The following MUSK variants were observed in gnomAD, a reference collection of about 807,000 sequenced individuals.
MUSK encodes muscle, skeletal receptor tyrosine-protein kinase.
MUSK carries 55 observed loss-of-function variants against 88.7 expected under a neutral mutation model. The observed-to-expected ratio is 0.62, with a 90% CI of 0.50 to 0.78. The LOEUF is 0.78. Ranked by LOEUF, MUSK falls within the 30% of genes least tolerant of loss-of-function variation. The pLI is 0.00. For missense variants in MUSK, 1,015 were observed against 1,074.3 expected, an observed-to-expected ratio of 0.94 and a Z score of 0.77; for synonymous variants, 387 against 391.9, an observed-to-expected ratio of 0.99 and a Z score of 0.15.
At chr9:110,767,137 G>T (rs1401643470) in intron 8 of MUSK, among the ~76,000 whole-genome samples, 2 of 152,196 alleles carry the variant, frequency 1.3e-5, no homozygotes, top group Non-Finnish European at 2.9e-5. Flanking sequence ...CAACAGAATA[G>T]ATCACTGAGG....
Position 110,805,430 on chromosome 9 carries a change from T to G in MUSK, c.*4442T>G, listed in dbSNP as rs2132080512. ...CTTATATTTACACTTCTTTAAATACTAATAAAATTGAACATTGTTTAATGT... is the reference window on the plus strand; with the variant it reads ...CTTATATTTACACTTCTTTAAATACGAATAAAATTGAACATTGTTTAATGT... On this transcript the variant is annotated 3_prime_UTR_variant, in exon 15 of 15. Transcript: ENST00000374448. 6.6e-6 allele frequency among the ~76,000 whole-genome samples: 1 copy of G among 152,076 alleles called. No individual in the cohort carries two copies. Among genetic ancestry groups the G allele is most frequent in the Admixed American group, 6.6e-5 (1 of 15,262 alleles).
intron 14 of MUSK, chr9:110,788,144 T>C (rs2077906934): frequency 3.0e-6 from 1 of 329,174 alleles, no homozygotes; most frequent in Non-Finnish European, 5.7e-6. Flanking sequence ...AATTTATCAA[T>C]ATTGAAAAGT....
At chr9:110,711,265 A>G (rs1361440670) in intron 5 of MUSK, among the ~76,000 whole-genome samples, 1 of 152,046 alleles carries the variant, frequency 6.6e-6, no homozygotes, top group African/African-American at 2.4e-5. Context: ...TAATAAAAAA[A>G]ATTTAGTGCC....
At position 110,802,489 on chromosome 9, in the gene MUSK, G is replaced by A. The variant is rs1022288372; in HGVS notation, c.*1501G>A. 2.0e-5 allele frequency among the ~76,000 whole-genome samples: 3 copies of A among 152,262 alleles called. No homozygotes were observed. The highest frequency in any genetic ancestry group is 1.9e-4 in the East Asian group (1 of 5,188). ...TCTTGAAAGTAGATTTTCGCTGTCTGCTGGAAAACTCTGCCTGAAATCCCC... is the reference window on the plus strand; with the variant it reads ...TCTTGAAAGTAGATTTTCGCTGTCTACTGGAAAACTCTGCCTGAAATCCCC... On this transcript the variant is annotated 3_prime_UTR_variant, in exon 15 of 15. Transcript: ENST00000374448.
chr9:110,708,588 G>A (rs1290718826), intron 5 of MUSK, among the ~76,000 whole-genome samples: 3 of 152,148 alleles, frequency 2.0e-5, no homozygotes, highest in African/African-American at 7.2e-5. Flanking sequence ...TAGGATGCAT[G>A]TTCTAAAAGA....
chr9:110,799,691 A>G (rs2078062162), intron 14 of MUSK, among the ~76,000 whole-genome samples: 1 of 152,210 alleles, frequency 6.6e-6, no homozygotes, highest in Admixed American at 6.5e-5. Flanking sequence ...AAGAAGAATA[A>G]GGTTCAATCT....
At chr9:110,697,769 C>T (rs2076452939) in intron 5 of MUSK, among the ~76,000 whole-genome samples, 1 of 151,850 alleles carries the variant, frequency 6.6e-6, no homozygotes, top group Non-Finnish European at 1.5e-5. Flanking sequence ...GAATGCCTTC[C>T]TGGTTTGGAC....
At chr9:110,704,520 T>A (rs2076571197) in intron 5 of MUSK, among the ~76,000 whole-genome samples, 5 of 152,222 alleles carry the variant, frequency 3.3e-5, no homozygotes, top group Admixed American at 3.3e-4. Context: ...TAATAAGTAC[T>A]TGTATAGTGC....
Position 110,787,772 on chromosome 9 carries a change from G to A in MUSK, c.1861G>A (p.Ala621Thr), listed in dbSNP as rs1353924755. Residue 621 changes from alanine (A) to threonine (T), a missense_variant, in exon 14 of 15, where the codon GCG (alanine) becomes ACG (threonine). Ala to Thr is a moderately conservative substitution (Grantham distance 58). Transcript: ENST00000374448. ...LKEEASADMQ[A>T]DFQREAALMA... The stretch of plus-strand genomic sequence containing the variant: ...AGAAGAAGCCTCGGCAGATATGCAA[G>A]CGGACTTTCAGAGGGAGGCAGCCCT... The A allele has an allele frequency of 6.2e-7, 1 of 1,613,834 alleles. No individual in the cohort carries two copies. Among genetic ancestry groups the A allele is most frequent in the Non-Finnish European group, 8.5e-7 (1 of 1,179,806 alleles).
intron 6 of MUSK, among the ~76,000 whole-genome samples, chr9:110,738,774 C>T (rs2077058900): frequency 6.6e-6 from 1 of 152,140 alleles, no homozygotes; most frequent in South Asian, 2.1e-4. Context: ...CCTTCTGTGC[C>T]TGCCAGATAT....
intron 5 of MUSK, among the ~76,000 whole-genome samples, chr9:110,731,638 C>G (rs2076965053): frequency 6.6e-6 from 1 of 152,022 alleles, no homozygotes. Flanking sequence ...CCTATCTGCC[C>G]CCTTCAGGGA....
intron 11 of MUSK, among the ~76,000 whole-genome samples, chr9:110,778,450 C>G (rs1322781604): frequency 6.6e-6 from 1 of 152,080 alleles, no homozygotes; most frequent in Non-Finnish European, 1.5e-5. Context: ...CTTGAATTCT[C>G]TTTTTCCTTC....
In MUSK at chr9:110,755,981, T is replaced by C. The variant is rs1359348193; in HGVS notation, c.914-6221T>C. 7.4e-5 allele frequency among the ~76,000 whole-genome samples: 8 copies of C among 108,090 alleles called. No individual in the cohort carries two copies. In the South Asian group the frequency reaches 9.2e-4, roughly 12 times the overall value. The allele number at this position is 108,090 out of a possible 152,430, so 70.9% of individuals were successfully genotyped here. ...ATATATATACATATATATATATACA[T>C]ATATATATATATATATGAATTTATT... On this transcript the variant is annotated intron_variant, in intron 7 of 14. Transcript: ENST00000374448.
chr9:110,728,064 AC>A (rs1215910480), intron 5 of MUSK, among the ~76,000 whole-genome samples: 1 of 152,118 alleles, frequency 6.6e-6, no homozygotes, highest in Admixed American at 6.6e-5. Flanking sequence ...TAAACATTTT[AC>A]AATATCCTGT....
Position 110,805,269 on chromosome 9 carries a change from C to T in MUSK, c.*4281C>T, listed in dbSNP as rs1196199133. Reference sequence around the variant, plus strand: ...CTTTTTAAATATATTAAAAAATTACCTTCCTGAATTATTTTATTAACATGT... The same window carrying T: ...CTTTTTAAATATATTAAAAAATTACTTTCCTGAATTATTTTATTAACATGT... On this transcript the variant is annotated 3_prime_UTR_variant, in exon 15 of 15. Transcript: ENST00000374448. 6.6e-6 allele frequency among the ~76,000 whole-genome samples: 1 copy of T among 151,554 alleles called. No individual in the cohort carries two copies. The highest frequency in any genetic ancestry group is 1.9e-4 in the East Asian group (1 of 5,176).
intron 14 of MUSK, among the ~76,000 whole-genome samples, chr9:110,790,816 T>C (rs963759600): frequency 1.4e-4 from 22 of 152,308 alleles, no homozygotes; most frequent in African/African-American, 4.8e-4. Context: ...TACTTGAAAT[T>C]AGAGATTACA....
At chr9:110,703,534 A>G (rs1380102299) in intron 5 of MUSK, among the ~76,000 whole-genome samples, 1 of 152,172 alleles carries the variant, frequency 6.6e-6, no homozygotes, top group Non-Finnish European at 1.5e-5. Context: ...TGTCTAAAAA[A>G]AAAAATTAAA....
chr9:110,774,740 T>G (rs533097689), intron 9 of MUSK, among the ~76,000 whole-genome samples: 4 of 152,252 alleles, frequency 2.6e-5, no homozygotes, highest in African/African-American at 9.6e-5. Context: ...AGAATATATT[T>G]GCATCTCATC....
chr9:110,737,853 G>C (rs971049212), intron 6 of MUSK, among the ~76,000 whole-genome samples: 1 of 152,058 alleles, frequency 6.6e-6, no homozygotes, highest in East Asian at 1.9e-4. Flanking sequence ...TTATCTGTCA[G>C]GTTATTCTCA....
Sources: gnomAD v4.1 joint callset for allele counts (sites outside exome capture counted in the v4.1 genomes callset) on GRCh38, gnomAD v4.1.1 for gene constraint, MANE v1.5 for transcripts, NCBI Gene and HGNC (gene_info 2026-07-23, HGNC 2026-07-21) for gene names.